The following KCTD8 variants were observed in gnomAD, a reference collection of about 807,000 sequenced individuals.
The protein encoded by KCTD8 is BTB/POZ domain-containing protein KCTD8.
Under a neutral mutation model 31.5 loss-of-function variants are expected in KCTD8, and 27 were observed. That is an observed-to-expected ratio of 0.86 (90% CI 0.63 to 1.18). KCTD8 has a LOEUF of 1.18. KCTD8 is among the 50% of genes most tolerant of loss of function. The pLI is 0.00. For missense variants in KCTD8, 658 were observed against 647.7 expected, an observed-to-expected ratio of 1.02 and a Z score of -0.17; for synonymous variants, 290 against 280.0, an observed-to-expected ratio of 1.04 and a Z score of -0.36.
Position 44,319,629 on chromosome 4 carries a change from G to A in KCTD8, c.961+127934C>T, listed in dbSNP as rs953575589. Among the ~76,000 whole-genome samples, 13 of 152,060 alleles carry A rather than the reference G, an allele frequency of 8.5e-5. 1 individual carries two copies. ...TTGTCTAGTTAAATTCTCACATCAA[G>A]TTGAAGAATTATTATGAACTTCCTC... On this transcript the variant is annotated intron_variant, in intron 1 of 1. Coordinates refer to ENST00000360029, the MANE Select transcript of KCTD8 (RefSeq NM_198353.3).
intron 1 of KCTD8, among the ~76,000 whole-genome samples, chr4:44,187,255 T>A (rs1290797809): frequency 1.3e-5 from 2 of 152,232 alleles, no homozygotes; most frequent in Non-Finnish European, 2.9e-5. Flanking sequence ...ATGCTCGTAG[T>A]AGAAAACATA....
chr4:44,248,469 A>T (rs1438561503), intron 1 of KCTD8, among the ~76,000 whole-genome samples: 2 of 151,562 alleles, frequency 1.3e-5, no homozygotes, highest in African/African-American at 4.8e-5. Flanking sequence ...AAAAAGAAAG[A>T]AAGAAAGAAA....
Position 44,448,552 on chromosome 4 carries a change from G to C in KCTD8, c.-29C>G. 1 of 1,443,116 alleles carries C rather than the reference G, an allele frequency of 6.9e-7. No individual in the cohort carries two copies. The highest frequency in any genetic ancestry group is 9.1e-7 in the Non-Finnish European group (1 of 1,103,062). 89.4% of individuals were successfully genotyped at this position (1,443,116 alleles called of 1,614,324 possible). ...CCCCCCGCCGCCGGCCCAGTGACCCGAGAGAGCTGCACTTTCTCGTTCCCG... is the reference window on the plus strand; with the variant it reads ...CCCCCCGCCGCCGGCCCAGTGACCCCAGAGAGCTGCACTTTCTCGTTCCCG... On this transcript the variant is annotated 5_prime_UTR_variant, in exon 1 of 2. Coordinates refer to ENST00000360029, the MANE Select transcript of KCTD8 (RefSeq NM_198353.3). The surrounding 1 kb of genome is among the most constrained non-coding windows in gnomAD (Gnocchi z 4.1).
chr4:44,300,755 G>A (rs879822139), intron 1 of KCTD8, among the ~76,000 whole-genome samples: 5 of 151,884 alleles, frequency 3.3e-5, no homozygotes, highest in Admixed American at 2.6e-4. Flanking sequence ...TAGGGTACAC[G>A]TGCACAATGT....
intron 1 of KCTD8, among the ~76,000 whole-genome samples, chr4:44,339,753 A>G (rs968394199): frequency 5.9e-5 from 9 of 152,204 alleles, no homozygotes; most frequent in Non-Finnish European, 1.3e-4. Flanking sequence ...AGGTAGACCA[A>G]TACTTTGAAA....
At chr4:44,436,774 T>A (rs987664275) in intron 1 of KCTD8, among the ~76,000 whole-genome samples, 1 of 152,026 alleles carries the variant, frequency 6.6e-6, no homozygotes, top group Non-Finnish European at 1.5e-5. Context: ...TGTTTAAATT[T>A]TCATACTAGA....
intron 1 of KCTD8, among the ~76,000 whole-genome samples, chr4:44,362,616 T>C (rs924634531): frequency 2.0e-5 from 3 of 151,936 alleles, no homozygotes; most frequent in East Asian, 1.9e-4. Context: ...TCCAGGTGAG[T>C]TGAAATAGAA....
At chr4:44,325,491 T>G (rs1268052345) in intron 1 of KCTD8, among the ~76,000 whole-genome samples, 1 of 151,872 alleles carries the variant, frequency 6.6e-6, no homozygotes, top group Admixed American at 6.6e-5. Context: ...AAATTAAGCG[T>G]GTAACTGGAT....
intron 1 of KCTD8, among the ~76,000 whole-genome samples, chr4:44,374,552 A>G (rs1315890888): frequency 6.6e-6 from 1 of 152,148 alleles, no homozygotes; most frequent in African/African-American, 2.4e-5. Flanking sequence ...TTGGTGCAAG[A>G]GACATAGCTT....
At chr4:44,372,529 A>T (rs779035043) in intron 1 of KCTD8, among the ~76,000 whole-genome samples, 13 of 152,212 alleles carry the variant, frequency 8.5e-5, no homozygotes, top group Non-Finnish European at 1.9e-4. Context: ...ACTGAGTGGA[A>T]GCAAAGGGGT....
intron 1 of KCTD8, among the ~76,000 whole-genome samples, chr4:44,273,257 A>T (rs146277723): frequency 2.6e-5 from 4 of 152,158 alleles, no homozygotes; most frequent in African/African-American, 9.6e-5. Context: ...ACAGGTAAAG[A>T]ACAAGTATAT....
At chr4:44,273,532 T>C (rs994469641) in intron 1 of KCTD8, among the ~76,000 whole-genome samples, 4 of 151,846 alleles carry the variant, frequency 2.6e-5, no homozygotes, top group African/African-American at 9.7e-5. Context: ...TTCCAATCAT[T>C]GAACCACTGG....
chr4:44,430,837 C>A (rs957590530), intron 1 of KCTD8, among the ~76,000 whole-genome samples: 2 of 151,538 alleles, frequency 1.3e-5, no homozygotes, highest in African/African-American at 4.8e-5. Flanking sequence ...AAGCATTAGA[C>A]TCACCTTTTA....
chr4:44,275,633 G>A (rs1483820084), intron 1 of KCTD8, among the ~76,000 whole-genome samples: 1 of 152,042 alleles, frequency 6.6e-6, no homozygotes, highest in African/African-American at 2.4e-5. Context: ...AAACTACAAA[G>A]TATAATCTTA....
chr4:44,294,294 T>G (rs1717367372), intron 1 of KCTD8, among the ~76,000 whole-genome samples: 1 of 152,138 alleles, frequency 6.6e-6, no homozygotes, highest in Non-Finnish European at 1.5e-5. Context: ...ACGTAAAAGA[T>G]TTTGTTAAGA....
chr4:44,437,258 G>A (rs892588458), intron 1 of KCTD8, among the ~76,000 whole-genome samples: 6 of 151,982 alleles, frequency 3.9e-5, no homozygotes, highest in African/African-American at 1.4e-4. Context: ...CTCACAACTT[G>A]TATCTTATGT....
At chr4:44,193,067 TC>T (rs1262709651) in intron 1 of KCTD8, among the ~76,000 whole-genome samples, 1 of 152,094 alleles carries the variant, frequency 6.6e-6, no homozygotes, top group African/African-American at 2.4e-5. Context: ...ATTAGTTCTG[TC>T]CCTCTAGAGA....
chr4:44,394,698 T>TAAG (rs1294863002), intron 1 of KCTD8, among the ~76,000 whole-genome samples: 1 of 152,088 alleles, frequency 6.6e-6, no homozygotes, highest in Admixed American at 6.6e-5. Flanking sequence ...GGTGAAGCAT[T>TAAG]ACATCTAGGG....
intron 1 of KCTD8, among the ~76,000 whole-genome samples, chr4:44,287,979 TG>T (rs1717152376): frequency 6.6e-6 from 1 of 152,178 alleles, no homozygotes. Context: ...AGGAAAAAAA[TG>T]GGTATCTGGA....
Sources: gnomAD v4.1 joint callset for allele counts (sites outside exome capture counted in the v4.1 genomes callset) on GRCh38, gnomAD v4.1.1 for gene constraint, Gnocchi (gnomAD v3.1) non-coding constraint, MANE v1.5 for transcripts, NCBI Gene and HGNC (gene_info 2026-07-23, HGNC 2026-07-21) for gene names.